FRMPD1: variants seen among roughly 807,000 people sequenced by gnomAD.
FRMPD1 encodes FERM and PDZ domain containing 1.
A neutral mutation model predicts 117.8 loss-of-function variants in FRMPD1; 76 were observed. That is an observed-to-expected ratio of 0.65 (90% CI 0.54 to 0.78). The LOEUF (loss-of-function observed/expected upper bound fraction) is 0.78, where lower values mean the gene tolerates loss of function less well. FRMPD1 is among the 30% of genes least tolerant of loss of function. The probability of loss-of-function intolerance (pLI) is 0.00; values close to 1 mark genes in which losing one functional copy is unlikely to be tolerated. For synonymous variants in FRMPD1, 783 were observed against 770.4 expected (o/e 1.02, Z -0.27); for missense variants, 1,786 against 1,964.5 (o/e 0.91, Z 1.72).
upstream of FRMPD1, among the ~76,000 whole-genome samples, chr9:37,646,507 T>C (rs1179204715): frequency 6.6e-6 from 1 of 152,244 alleles, no homozygotes; most frequent in Non-Finnish European, 1.5e-5. Flanking sequence ...CAGTGTTCTT[T>C]CTTTCACCCA....
intron 12 of FRMPD1, among the ~76,000 whole-genome samples, chr9:37,735,306 G>T (rs1424221104): frequency 6.6e-6 from 1 of 152,152 alleles, no homozygotes; most frequent in East Asian, 1.9e-4. Context: ...AGGTACATAG[G>T]TGTGAAAATA....
intron 2 of FRMPD1, among the ~76,000 whole-genome samples, chr9:37,695,955 A>G (rs1588935739): frequency 6.6e-6 from 1 of 151,000 alleles, no homozygotes; most frequent in Admixed American, 6.6e-5. Flanking sequence ...CCATTTTGCC[A>G]TGACCTACAA....
rs1414960192 is a variant in FRMPD1 at position 37,719,141 on chromosome 9, T to G, written c.481T>G (p.Phe161Val). ...GAAGACCAACCCCGTGAAGGTGCACTTTGCTGAAGAAGTGCTCATCAGTGG... is the reference window on the plus strand; with the variant it reads ...GAAGACCAACCCCGTGAAGGTGCACGTTGCTGAAGAAGTGCTCATCAGTGG... ...RLKTNPVKVH[F>V]AEEVLISGHS... Residue 161 changes from phenylalanine (F) to valine (V), a missense_variant, in exon 6 of 16, where the codon TTT (phenylalanine) becomes GTT (valine). Coordinates refer to ENST00000377765, the MANE Select transcript of FRMPD1 (RefSeq NM_014907.3). 5 of 1,613,210 alleles carry G rather than the reference T, an allele frequency of 3.1e-6. No homozygotes were observed. The highest frequency in any genetic ancestry group is 4.2e-6 in the Non-Finnish European group (5 of 1,179,232).
intron 1 of FRMPD1, among the ~76,000 whole-genome samples, chr9:37,664,476 C>A (rs905652003): frequency 7.9e-5 from 12 of 152,018 alleles, no homozygotes; most frequent in Non-Finnish European, 5.9e-5. Flanking sequence ...CTCCCCTTAC[C>A]CCACCCCCGA....
At chr9:37,717,017 A>G (rs1823148824) in intron 5 of FRMPD1, among the ~76,000 whole-genome samples, 2 of 152,196 alleles carry the variant, frequency 1.3e-5, no homozygotes. Flanking sequence ...AATCAGGACT[A>G]TTTTGAGTAT....
At chr9:37,626,518 A>ATT in the FRMPD1 span, among the ~76,000 whole-genome samples, 28 of 148,704 alleles carry the variant, frequency 1.9e-4, no homozygotes, top group Non-Finnish European at 3.7e-4. Context: ...AAAAAAAAAA[A>ATT]AAATTAAATG....
At position 37,746,559 on chromosome 9, in the gene FRMPD1, CTG is replaced by C; in HGVS notation, c.4529_4530del (p.Cys1510Ter). On this transcript the variant is annotated frameshift_variant, in exon 16 of 16. Transcript: ENST00000377765. LOFTEE classifies it high-confidence loss of function. The part of the protein sequence containing the change: ...LAGLCFQFTD[C>X]SRCSARHREA... ...CCGGCCTGTGCTTTCAGTTCACAGACTGTAGCCGCTGCTCCGCCCGGCACAGG... is the reference window on the plus strand; with the variant it reads ...CCGGCCTGTGCTTTCAGTTCACAGACTAGCCGCTGCTCCGCCCGGCACAGG... 1 of 1,613,720 alleles carries C rather than the reference CTG, an allele frequency of 6.2e-7. No individual in the cohort carries two copies. Among genetic ancestry groups the C allele is most frequent in the South Asian group, 1.1e-5 (1 of 91,090 alleles).
chr9:37,647,186 T>A (rs996834036), upstream of FRMPD1, among the ~76,000 whole-genome samples: 1 of 152,076 alleles, frequency 6.6e-6, no homozygotes. Context: ...TCACCAAAAA[T>A]GACTCTTCAG....
At chr9:37,670,787 C>T (rs766295466) in intron 1 of FRMPD1, among the ~76,000 whole-genome samples, 2 of 152,170 alleles carry the variant, frequency 1.3e-5, no homozygotes, top group African/African-American at 2.4e-5. Context: ...GGGAGACTTT[C>T]GTTGTTTTTA....
chr9:37,627,579 C>A, the FRMPD1 span, among the ~76,000 whole-genome samples: 1 of 152,222 alleles, frequency 6.6e-6, no homozygotes, highest in African/African-American at 2.4e-5. Context: ...CTCAAGGGAT[C>A]CTCCTGCCTC....
the FRMPD1 span, among the ~76,000 whole-genome samples, chr9:37,613,471 A>C: frequency 3.9e-5 from 6 of 152,202 alleles, no homozygotes; most frequent in East Asian, 1.2e-3. Context: ...TATAATTATA[A>C]CTAAGGGAGC....
chr9:37,746,183 G>C lies in FRMPD1; in HGVS notation c.4151G>C (p.Arg1384Pro), dbSNP rs777791640. The change falls in exon 16 of 16, where the codon CGA (arginine) becomes CCA (proline). Residue 1384 changes from arginine to proline, a missense_variant. Physicochemically the swap from Arg to Pro is moderately radical, Grantham distance 103. Transcript: ENST00000377765. The part of the protein sequence containing the change: ...SPVVLPWRPA[R>P]AHSCTTAPLS... ...GTGGTTCTGCCCTGGAGGCCTGCCC[G>C]AGCCCACAGCTGCACCACCGCACCC... The C allele has an allele frequency of 3.1e-6, 5 of 1,613,230 alleles. No homozygotes were observed. The South Asian group carries it at 5.5e-5, about 18-fold the overall frequency.
chr9:37,717,339 A>ATGTGTGTG (rs1202375364), intron 5 of FRMPD1, among the ~76,000 whole-genome samples: 99 of 84,446 alleles, frequency 1.2e-3, no homozygotes, highest in Middle Eastern at 0.011. Context: ...GTATGTGTAT[A>ATGTGTGTG]TATGTGTGTG....
intron 1 of FRMPD1, among the ~76,000 whole-genome samples, chr9:37,661,393 G>A (rs1224263552): frequency 6.6e-6 from 1 of 152,142 alleles, no homozygotes; most frequent in African/African-American, 2.4e-5. Context: ...ATACAGGGAG[G>A]ATATAATGAC....
the FRMPD1 span, among the ~76,000 whole-genome samples, chr9:37,645,464 A>G: frequency 6.6e-6 from 1 of 152,210 alleles, no homozygotes; most frequent in Non-Finnish European, 1.5e-5. Flanking sequence ...AGAGCTAAGG[A>G]ATAAATCCAG....
At chr9:37,645,588 G>A in the FRMPD1 span, among the ~76,000 whole-genome samples, 1 of 152,272 alleles carries the variant, frequency 6.6e-6, no homozygotes, top group African/African-American at 2.4e-5. Flanking sequence ...GAGGGTGTTG[G>A]GAGACTGATC....
intron 5 of FRMPD1, among the ~76,000 whole-genome samples, chr9:37,712,962 G>A (rs1249571799): frequency 6.6e-6 from 1 of 152,112 alleles, no homozygotes; most frequent in East Asian, 1.9e-4. Context: ...GTCTCATGTG[G>A]AGGAAACTAG....
At chr9:37,677,763 A>G (rs1244763130) in intron 1 of FRMPD1, among the ~76,000 whole-genome samples, 3 of 152,236 alleles carry the variant, frequency 2.0e-5, no homozygotes, top group Non-Finnish European at 4.4e-5. Context: ...TCATCTGCCC[A>G]TGAGAGTGCT....
intron 7 of FRMPD1, among the ~76,000 whole-genome samples, chr9:37,728,491 G>A (rs926688810): frequency 6.6e-6 from 1 of 152,208 alleles, no homozygotes; most frequent in East Asian, 1.9e-4. Flanking sequence ...CAGCATGTGC[G>A]AATGCTTCGA....
Sources: gnomAD v4.1 joint callset for allele counts (sites outside exome capture counted in the v4.1 genomes callset) on GRCh38, gnomAD v4.1.1 for gene constraint, MANE v1.5 for transcripts, NCBI Gene and HGNC (gene_info 2026-07-23, HGNC 2026-07-21) for gene names.